USP28: variants seen among roughly 807,000 people sequenced by gnomAD.
USP28 encodes ubiquitin specific peptidase 28, also known as ubiquitin carboxyl-terminal hydrolase 28.
In USP28, 113 loss-of-function variants were observed where a neutral mutation model predicts 145.0. The ratio of observed to expected loss-of-function variants is 0.78; its 90% CI spans 0.67 to 0.91. The LOEUF is 0.91. Ranked by LOEUF, USP28 falls within the 40% of genes least tolerant of loss-of-function variation. USP28 has a pLI of 0.00. For missense variants in USP28, 1,201 were observed against 1,289.6 expected (o/e 0.93, Z 1.05); for synonymous variants, 447 against 450.9 (o/e 0.99, Z 0.11).
intron 3 of USP28, among the ~76,000 whole-genome samples, chr11:113,844,438 C>G (rs886173207): frequency 6.7e-6 from 1 of 149,538 alleles, no homozygotes. Flanking sequence ...TGTGAGACTC[C>G]GTCTTAAAAA....
At chr11:113,841,127 GC>G (rs1342225822) in intron 4 of USP28, among the ~76,000 whole-genome samples, 2 of 152,106 alleles carry the variant, frequency 1.3e-5, no homozygotes, top group Non-Finnish European at 2.9e-5. Context: ...CCTCCAAATT[GC>G]CCAGGACATA....
chr11:113,844,536 A>G (rs1254226448), intron 3 of USP28, among the ~76,000 whole-genome samples: 4 of 152,222 alleles, frequency 2.6e-5, no homozygotes, highest in Non-Finnish European at 5.9e-5. Context: ...CACAGAACAT[A>G]CAAAGAACTC....
At chr11:113,815,052 G>A (rs186470216) in intron 14 of USP28, 122 bp downstream of exon 14, 24 of 870,512 alleles carry the variant, frequency 2.8e-5, no homozygotes, top group South Asian at 2.5e-4. Flanking sequence ...ACTCCATCTC[G>A]GCGGGGGGGA....
chr11:113,805,516 A>G (rs747626586), intron 19 of USP28, among the ~76,000 whole-genome samples: 9 of 152,162 alleles, frequency 5.9e-5, no homozygotes, highest in Non-Finnish European at 7.4e-5. Flanking sequence ...TTGGCCTCCC[A>G]AAGTGCTGGG....
intron 23 of USP28, among the ~76,000 whole-genome samples, chr11:113,802,313 G>A (rs1209635052): frequency 6.6e-6 from 1 of 152,210 alleles, no homozygotes; most frequent in East Asian, 1.9e-4. Context: ...AAGTGGCCCT[G>A]CCACACCTAT....
chr11:113,843,219 G>A (rs1462180964), intron 3 of USP28, among the ~76,000 whole-genome samples: 3 of 151,634 alleles, frequency 2.0e-5, no homozygotes, highest in Non-Finnish European at 2.9e-5. Context: ...GCGACAGAGT[G>A]AGACTCCATC....
At chr11:113,870,975 A>T (rs1948750624) in intron 1 of USP28, among the ~76,000 whole-genome samples, 1 of 152,226 alleles carries the variant, frequency 6.6e-6, no homozygotes, top group Non-Finnish European at 1.5e-5. Flanking sequence ...GGACAAGTGC[A>T]CGGTAAAATG....
intron 11 of USP28, among the ~76,000 whole-genome samples, chr11:113,826,476 ATTTTT>A (rs538682333): frequency 3.5e-5 from 5 of 141,358 alleles, no homozygotes; most frequent in Admixed American, 7.2e-5. Flanking sequence ...CACCCAGCTA[ATTTTT>A]TTTTTTTAAG....
chr11:113,812,234 C>G (rs1172194039), intron 16 of USP28, 42 bp downstream of exon 16: 1 of 1,521,996 alleles, frequency 6.6e-7, no homozygotes, highest in Non-Finnish European at 9.1e-7. Flanking sequence ...CTGAGCAGTA[C>G]AGATTTTCCC....
At chr11:113,833,443 A>G (rs1944238111) in exon 7 of USP28, 1 of 1,613,890 alleles carries the variant, frequency 6.2e-7, no homozygotes, top group Non-Finnish European at 8.5e-7. Context: ...GATGATCGGA[A>G]TGCTCCCTTT....
intron 15 of USP28, among the ~76,000 whole-genome samples, 160 bp from the exon 16 acceptor site, chr11:113,812,664 T>C (rs760704450): frequency 6.6e-6 from 1 of 152,232 alleles, no homozygotes; most frequent in South Asian, 2.1e-4. Context: ...AGCCTTGGAA[T>C]TGATCAATTA....
At chr11:113,822,681 G>T (rs890110232) in intron 12 of USP28, among the ~76,000 whole-genome samples, 1 of 152,080 alleles carries the variant, frequency 6.6e-6, no homozygotes, top group African/African-American at 2.4e-5. Context: ...AAACTTAAAG[G>T]TTTAGTAAAA....
At chr11:113,815,047 A>G in intron 14 of USP28, 127 bp downstream of exon 14, 2 of 848,660 alleles carry the variant, frequency 2.4e-6, no homozygotes, top group South Asian at 1.8e-5. Context: ...GTGAGACTCC[A>G]TCTCGGCGGG....
chr11:113,842,429 C>CA (rs1377681260), intron 3 of USP28, among the ~76,000 whole-genome samples: 5 of 151,798 alleles, frequency 3.3e-5, no homozygotes, highest in Non-Finnish European at 5.9e-5. Context: ...ACTAAAAATA[C>CA]AAAAAATTTG....
chr11:113,823,350 G>A (rs147401586), intron 12 of USP28, among the ~76,000 whole-genome samples: 380 of 152,230 alleles, frequency 2.5e-3, no homozygotes, highest in African/African-American at 8.5e-3. Flanking sequence ...TCAGAACTCA[G>A]TTTCTCCTTG....
intron 1 of USP28, chr11:113,859,259 GT>G (rs1344438569): frequency 6.6e-6 from 1 of 151,990 alleles, no homozygotes; most frequent in African/African-American, 2.4e-5. Flanking sequence ...GGAAATTAAG[GT>G]TTACAAAATC....
chr11:113,872,840 C>A (rs1160798222), intron 1 of USP28, among the ~76,000 whole-genome samples: 1 of 152,172 alleles, frequency 6.6e-6, no homozygotes, highest in African/African-American at 2.4e-5. Flanking sequence ...CACTATGTAA[C>A]CTCTTTAGAT....
Position 113,799,356 on chromosome 11 carries a change from T to C in USP28, c.3118A>G (p.Ile1040Val), listed in dbSNP as rs755739803. ...GTTGGAGGCTCTTTCAAGACGATGATTTCTGCAGAAGGATCTAGAAGTCTG... is the reference window on the plus strand; with the variant it reads ...GTTGGAGGCTCTTTCAAGACGATGACTTCTGCAGAAGGATCTAGAAGTCTG... The change falls in exon 25 of 25, where the codon ATC (isoleucine) becomes GTC (valine). Residue 1040 changes from isoleucine to valine, a missense_variant. Coordinates refer to ENST00000003302, the Ensembl canonical transcript of USP28. The C allele has an allele frequency of 1.9e-5, 30 of 1,614,094 alleles. No homozygotes were observed. In the South Asian group the frequency reaches 3.3e-4, roughly 18 times the overall value.
At chr11:113,812,281 T>C (rs1419701822) in exon 16 of USP28, 7 of 1,613,284 alleles carry the variant, frequency 4.3e-6, no homozygotes, top group East Asian at 2.2e-5. Context: ...TTTACCTGCA[T>C]TGAAGTAGGG....
Sources: gnomAD v4.1 joint callset for allele counts (sites outside exome capture counted in the v4.1 genomes callset) on GRCh38, gnomAD v4.1.1 for gene constraint, MANE v1.5 for transcripts, NCBI Gene and HGNC (gene_info 2026-07-23, HGNC 2026-07-21) for gene names.